Variants in TRPM8 observed in about 807,000 individuals in gnomAD.
TRPM8 encodes TRPM8 cationic channel.
In TRPM8, 110 loss-of-function variants were observed where a neutral mutation model predicts 133.7. The ratio of observed to expected loss-of-function variants is 0.82; its 90% CI spans 0.70 to 0.96. The LOEUF (loss-of-function observed/expected upper bound fraction) is 0.96. TRPM8 is among the 40% of genes least tolerant of loss of function. The pLI is 0.00. For missense variants in TRPM8, 1,291 were observed against 1,379.5 expected, an observed-to-expected ratio of 0.94 and a Z score of 1.02; for synonymous variants, 535 against 532.3, an observed-to-expected ratio of 1.01 and a Z score of -0.07.
intron 8 of TRPM8, chr2:233,947,388 T>G: frequency 6.6e-7 from 1 of 1,512,810 alleles, no homozygotes; most frequent in Non-Finnish European, 8.9e-7. Flanking sequence ...GTGTTGGCCT[T>G]GACAGTCAAC....
chr2:233,966,532 G>A, intron 14 of TRPM8, 78 bp from the exon 15 acceptor site: 1 of 1,580,590 alleles, frequency 6.3e-7, no homozygotes, highest in Admixed American at 1.7e-5. Context: ...TTCAGGGGTT[G>A]GCTGGGGGTG....
At chr2:233,982,679 C>G (rs952899847) in intron 19 of TRPM8, among the ~76,000 whole-genome samples, 19 of 152,108 alleles carry the variant, frequency 1.2e-4, no homozygotes, top group African/African-American at 4.3e-4. Context: ...AACCAACAAA[C>G]TACAAAAATA....
chr2:233,990,823 G>A (rs977512152), intron 21 of TRPM8, among the ~76,000 whole-genome samples: 2 of 152,186 alleles, frequency 1.3e-5, no homozygotes, highest in African/African-American at 4.8e-5. Flanking sequence ...CTCAGGTGCA[G>A]CCTTATTGCC....
At chr2:234,005,356 G>C (rs1692666601) in intron 22 of TRPM8, among the ~76,000 whole-genome samples, 1 of 152,160 alleles carries the variant, frequency 6.6e-6, no homozygotes, top group South Asian at 2.1e-4. Context: ...TTCTTTGACT[G>C]TTACAGAGGT....
chr2:233,985,821 A>T lies in TRPM8; in HGVS notation c.2895A>T (p.Leu965Phe). 1.2e-6 allele frequency: 2 copies of T among 1,614,088 alleles called. No homozygotes were observed. Among genetic ancestry groups the T allele is most frequent in the Non-Finnish European group, 1.7e-6 (2 of 1,180,004 alleles). Residue 965 changes from leucine to phenylalanine, a missense_variant, in exon 21 of 26, where the codon TTA (leucine) becomes TTT (phenylalanine). Leu to Phe is a conservative substitution (Grantham distance 22, BLOSUM62 0). Around this residue, in one of 2 missense-constraint regions of TRPM8, gnomAD observed 328 missense variants for 410.6 expected, o/e 0.80. Coordinates refer to ENST00000324695, the MANE Select transcript of TRPM8 (RefSeq NM_024080.5). ...ITIPLVCIYM[L>F]STNILLVNLL... ...TCCCCCTGGTGTGCATCTACATGTT[A>T]TCCACCAACATCCTGCTGGTCAACC... is the stretch of plus-strand genomic sequence containing the variant.
At chr2:233,954,169 G>A (rs1691236687) in intron 10 of TRPM8, 150 bp downstream of exon 10, 3 of 519,132 alleles carry the variant, frequency 5.8e-6, no homozygotes, top group African/African-American at 3.9e-5. Context: ...GAATAACTAC[G>A]CTTGTCCTGG....
Position 234,003,674 on chromosome 2 carries a change from G to C in TRPM8, c.3131-3179G>C, listed in dbSNP as rs1344912030. Among the ~76,000 whole-genome samples the C allele has an allele frequency of 3.9e-5, 6 of 152,168 alleles. No homozygotes were observed. The East Asian group carries it at 1.2e-3, about 29-fold the overall frequency. On this transcript the variant is annotated intron_variant, in intron 22 of 25. Coordinates refer to ENST00000324695, the MANE Select transcript of TRPM8 (RefSeq NM_024080.5). ...CATACTTCTTTCTGAATGATTCAGG[G>C]GAGAAAACAAACAATGGATAAAAGT...
At position 234,019,414 on chromosome 2, in the gene TRPM8, T is replaced by C. The variant is rs1348177788; in HGVS notation, c.*2158T>C. The C allele has an allele frequency of 6.6e-6, 1 of 152,238 alleles. No homozygotes were observed. The highest frequency in any genetic ancestry group is 6.5e-5 in the Admixed American group (1 of 15,284). 9.4% of individuals were successfully genotyped at this position (152,238 alleles called of 1,614,324 possible). A position where few individuals can be genotyped will look rare whatever the true frequency, so the allele number is the denominator to read the frequency against. On this transcript the variant is annotated 3_prime_UTR_variant, in exon 26 of 26. Coordinates refer to ENST00000324695, the MANE Select transcript of TRPM8 (RefSeq NM_024080.5). ...AACATACTTCTAATCAAAGGTGCTA[T>C]GTCCTTGTGTATGGTACTAAATGTG...
intron 21 of TRPM8, among the ~76,000 whole-genome samples, chr2:233,986,589 A>T (rs10210459): frequency 6.6e-6 from 1 of 152,180 alleles, no homozygotes; most frequent in African/African-American, 2.4e-5. Flanking sequence ...TTAATACATT[A>T]TCTGTTAAAC....
At position 233,996,311 on chromosome 2, in the gene TRPM8, C is replaced by G. The variant is rs778906198; in HGVS notation, c.2940-15C>G. 1 of 1,613,158 alleles carries G rather than the reference C, an allele frequency of 6.2e-7. No individual in the cohort carries two copies. The highest frequency in any genetic ancestry group is 1.1e-5 in the South Asian group (1 of 90,988). Reference sequence around the variant, plus strand: ...GCGCAATGCTAAGTCTTGGCCTTCTCTCTTCCCTCACCAGCTACACGGTGG... The same window carrying G: ...GCGCAATGCTAAGTCTTGGCCTTCTGTCTTCCCTCACCAGCTACACGGTGG... On this transcript the variant is annotated splice_polypyrimidine_tract_variant and intron_variant, in intron 21 of 25. Coordinates refer to ENST00000324695, the MANE Select transcript of TRPM8 (RefSeq NM_024080.5).
At chr2:233,996,650 T>A in intron 22 of TRPM8, 134 bp downstream of exon 22, 1 of 801,246 alleles carries the variant, frequency 1.2e-6, no homozygotes, top group Admixed American at 2.7e-5. Context: ...TCTGTAAAGA[T>A]CAGGCCTCAG....
chr2:233,981,605 C>T (rs1056191336), intron 18 of TRPM8, among the ~76,000 whole-genome samples, 169 bp from the exon 19 acceptor site: 2 of 152,008 alleles, frequency 1.3e-5, no homozygotes, highest in Non-Finnish European at 2.9e-5. Flanking sequence ...CTACTTGAGG[C>T]CATGAAAGCG....
rs759670950 is a variant in TRPM8 at position 233,970,252 on chromosome 2, T to C, written c.2181T>C (p.Tyr727=). 2.5e-6 allele frequency: 4 copies of C among 1,614,214 alleles called. No homozygotes were observed. The East Asian group carries it at 6.7e-5, about 27-fold the overall frequency. Residue 727 remains tyrosine (Y), a synonymous_variant, in exon 17 of 26, where the codon TAT becomes TAC. Transcript: ENST00000324695. ...VDKHKKLLWY[Y]VAFFTSPFVV... ...AGCACAAGAAGCTGCTTTGGTACTA[T>C]GTGGCGTTCTTCACCTCCCCCTTCG...
At chr2:233,927,861 T>C (rs866182147) in intron 2 of TRPM8, among the ~76,000 whole-genome samples, 18 of 13,550 alleles carry the variant, frequency 1.3e-3, no homozygotes, top group Middle Eastern at 0.059. Flanking sequence ...CCTTTCTTTC[T>C]CTTTCTTTCT....
At chr2:234,003,404 A>G (rs1299853493) in intron 22 of TRPM8, among the ~76,000 whole-genome samples, 1 of 152,218 alleles carries the variant, frequency 6.6e-6, no homozygotes, top group Non-Finnish European at 1.5e-5. Flanking sequence ...TTTTGCCTTG[A>G]AAGACAAAGT....
At chr2:233,972,582 C>T (rs1691755432) in intron 17 of TRPM8, among the ~76,000 whole-genome samples, 1 of 152,232 alleles carries the variant, frequency 6.6e-6, no homozygotes, top group African/African-American at 2.4e-5. Context: ...GAGGCTCAGG[C>T]ATGGTGGGCT....
chr2:233,980,732 C>G (rs887546687), intron 18 of TRPM8, among the ~76,000 whole-genome samples: 4 of 152,154 alleles, frequency 2.6e-5, no homozygotes, highest in Non-Finnish European at 5.9e-5. Flanking sequence ...TCTGCCCTTC[C>G]AGTTACAAGC....
chr2:233,985,912 C>A (rs1333577628), intron 21 of TRPM8, 47 bp downstream of exon 21: 2 of 1,549,724 alleles, frequency 1.3e-6, no homozygotes, highest in East Asian at 2.4e-5. Flanking sequence ...TGGGCCAAGC[C>A]CCATGCCAGG....
At chr2:233,992,987 C>G (rs1386429192) in intron 21 of TRPM8, among the ~76,000 whole-genome samples, 1 of 152,112 alleles carries the variant, frequency 6.6e-6, no homozygotes, top group Non-Finnish European at 1.5e-5. Context: ...TTAGGAGCCC[C>G]CCTCTGGAGA....
Sources: gnomAD v4.1 joint callset for allele counts (sites outside exome capture counted in the v4.1 genomes callset) on GRCh38, gnomAD v4.1.1 for gene constraint, gnomAD v4.1.1 regional missense constraint, MANE v1.5 for transcripts, NCBI Gene and HGNC (gene_info 2026-07-23, HGNC 2026-07-21) for gene names.